The following SLC27A6 variants were observed in gnomAD, a reference collection of about 807,000 sequenced individuals.
SLC27A6 encodes the protein solute carrier family 27 member 6.
SLC27A6 carries 74 observed loss-of-function variants against 63.9 expected under a neutral mutation model. The ratio of observed to expected loss-of-function variants is 1.16; its 90% confidence interval spans 0.96 to 1.40. SLC27A6 has a LOEUF of 1.40. SLC27A6 is among the 40% of genes most tolerant of loss of function. The pLI is 0.00. For synonymous variants in SLC27A6, 287 were observed against 260.8 expected, an observed-to-expected ratio of 1.10 and a Z score of -0.97; for missense variants, 794 against 732.9, an observed-to-expected ratio of 1.08 and a Z score of -0.96.
At chr5:128,969,661 G>C (rs939899182) in intron 1 of SLC27A6, among the ~76,000 whole-genome samples, 1 of 152,160 alleles carries the variant, frequency 6.6e-6, no homozygotes, top group African/African-American at 2.4e-5. Context: ...AGGAGATTTT[G>C]GGCTGAGATG....
rs1375809975 is a variant in SLC27A6, at chr5:128,969,439, G to A, written c.481+2821G>A. 2.6e-5 allele frequency among the ~76,000 whole-genome samples: 4 copies of A among 152,014 alleles called. No individual in the cohort carries two copies. The East Asian group carries it at 5.8e-4, about 22-fold the overall frequency. On this transcript the variant is annotated intron_variant, in intron 1 of 9. Coordinates refer to ENST00000262462, the MANE Select transcript of SLC27A6 (RefSeq NM_001017372.3). ...TTTGTTTGTGTCCTCTTTTTATTTC[G>A]TTGAGCAGTGGTTTGTAGTTCTCCT...
chr5:129,031,442 G>A (rs931127540), intron 9 of SLC27A6, among the ~76,000 whole-genome samples: 5 of 151,848 alleles, frequency 3.3e-5, no homozygotes, highest in African/African-American at 4.8e-5. Context: ...GGGATAAAAC[G>A]AACTTGGTCC....
At chr5:129,008,575 A>G (rs1468679843) in intron 4 of SLC27A6, among the ~76,000 whole-genome samples, 1 of 152,232 alleles carries the variant, frequency 6.6e-6, no homozygotes, top group Admixed American at 6.5e-5. Flanking sequence ...TAAGATTTGC[A>G]ATGCTGCTGT....
chr5:128,987,241 T>C (rs1409038414), intron 2 of SLC27A6, among the ~76,000 whole-genome samples: 3 of 152,166 alleles, frequency 2.0e-5, no homozygotes, highest in Non-Finnish European at 4.4e-5. Context: ...GATTCTTGTC[T>C]GAGGAATCTG....
At position 129,023,717 on chromosome 5, in the gene SLC27A6, C is replaced by G. The variant is rs763033058; in HGVS notation, c.1255+7C>G. ...TGTATTCATGTGAAAAAAGGTAAGA[C>G]TTCTATTTGAAGACATCTCCTCAAG... is the stretch of plus-strand genomic sequence containing the variant. On this transcript the variant is annotated splice_region_variant and intron_variant, in intron 6 of 9. Coordinates refer to ENST00000262462, the MANE Select transcript of SLC27A6 (RefSeq NM_001017372.3). 1 of 1,589,230 alleles carries G rather than the reference C, an allele frequency of 6.3e-7. No homozygotes were observed. The highest frequency in any genetic ancestry group is 1.1e-5 in the South Asian group (1 of 89,390).
At chr5:129,022,623 G>C (rs1752111694) in intron 5 of SLC27A6, among the ~76,000 whole-genome samples, 1 of 151,848 alleles carries the variant, frequency 6.6e-6, no homozygotes, top group African/African-American at 2.4e-5. Context: ...TTCTAACTGA[G>C]CTTGTTTGAT....
rs750323504 is a variant in SLC27A6 at position 128,966,310 on chromosome 5, A to G, written c.173A>G (p.Asp58Gly). ...AGAGGGGAGCTGGTGACTGTGCTGG[A>G]TAAATTCTTGAGTCATGCCAAAAGA... ...EKRGELVTVL[D>G]KFLSHAKRQP... The change falls in exon 1 of 10, where the codon GAT (aspartate) becomes GGT (glycine). Residue 58 changes from aspartate to glycine, a missense_variant. Transcript: ENST00000262462. 2.5e-6 allele frequency: 4 copies of G among 1,614,110 alleles called. No individual in the cohort carries two copies. In the South Asian group the frequency reaches 4.4e-5, roughly 18 times the overall value.
chr5:128,998,575 C>A (rs1033746834), intron 4 of SLC27A6, among the ~76,000 whole-genome samples: 4 of 151,542 alleles, frequency 2.6e-5, no homozygotes, highest in Admixed American at 6.6e-5. Flanking sequence ...AAATAAAAAA[C>A]CAGAAACCCT....
At chr5:128,995,673 T>G (rs1751134018) in intron 4 of SLC27A6, among the ~76,000 whole-genome samples, 1 of 151,840 alleles carries the variant, frequency 6.6e-6, no homozygotes, top group Admixed American at 6.6e-5. Flanking sequence ...CAGAAGAAAC[T>G]CAAAAGGAAG....
chr5:128,967,451 A>G (rs887212621), intron 1 of SLC27A6, among the ~76,000 whole-genome samples: 2 of 152,212 alleles, frequency 1.3e-5, no homozygotes, highest in Admixed American at 1.3e-4. Context: ...GTGCGGAAAG[A>G]GGAAGATCCA....
At position 128,965,862 on chromosome 5, in the gene SLC27A6, G is replaced by T; in HGVS notation, c.-276G>T. 3.0e-6 allele frequency: 1 copy of T among 336,120 alleles called. No homozygotes were observed. 20.8% of individuals were successfully genotyped at this position (336,120 alleles called of 1,614,324 possible). ...CAAGACCCCTGAGGGTGGCTGTGTT[G>T]GTTTCTCGCAGGAGTCGGAGGCTCC... On this transcript the variant is annotated 5_prime_UTR_variant, in exon 1 of 10. Coordinates refer to ENST00000262462, the MANE Select transcript of SLC27A6 (RefSeq NM_001017372.3).
rs1751873315 is a variant in SLC27A6, at chr5:129,015,883, A to G, written c.970-2A>G. 2.5e-6 allele frequency: 4 copies of G among 1,569,128 alleles called. No homozygotes were observed. The East Asian group carries it at 9.2e-5, about 36-fold the overall frequency. On this transcript the variant is annotated splice_acceptor_variant, in intron 4 of 9. Coordinates refer to ENST00000262462, the MANE Select transcript of SLC27A6 (RefSeq NM_001017372.3). LOFTEE classifies it high-confidence loss of function. ...TACAAGTAAAACATTTTCTTCTAACAGAGAGAAGGAGAAAAGGATCATAAG... is the reference window on the plus strand; with the variant it reads ...TACAAGTAAAACATTTTCTTCTAACGGAGAGAAGGAGAAAAGGATCATAAG...
In SLC27A6 at chr5:128,984,997, A is replaced by G. The variant is rs535444187; in HGVS notation, c.482-136A>G. Reference sequence around the variant, plus strand: ...AACGGAACCATAAAATGACTGTGATATTACTTATCCAACATAAGAAGGAAA... The same window carrying G: ...AACGGAACCATAAAATGACTGTGATGTTACTTATCCAACATAAGAAGGAAA... On this transcript the variant is annotated intron_variant, in intron 1 of 9. Transcript: ENST00000262462. The G allele has an allele frequency of 1.3e-4, 87 of 650,794 alleles. No homozygotes were observed. In the African/African-American group the frequency reaches 1.5e-3, roughly 11 times the overall value. The allele number at this position is 650,794 out of a possible 1,614,324, so 40.3% of individuals were successfully genotyped here.
chr5:128,975,421 A>G (rs1750342037), intron 1 of SLC27A6, among the ~76,000 whole-genome samples: 1 of 152,222 alleles, frequency 6.6e-6, no homozygotes, highest in Non-Finnish European at 1.5e-5. Context: ...CATAGAGTGT[A>G]CCTACACGAA....
At chr5:129,024,110 T>TAGG (rs1220383445) in intron 6 of SLC27A6, among the ~76,000 whole-genome samples, 1 of 152,130 alleles carries the variant, frequency 6.6e-6, no homozygotes, top group East Asian at 1.9e-4. Context: ...AGAGGATGAC[T>TAGG]AGGTCCACTG....
chr5:129,027,912 A>C (rs1752295929), intron 7 of SLC27A6, among the ~76,000 whole-genome samples: 1 of 152,054 alleles, frequency 6.6e-6, no homozygotes, highest in Non-Finnish European at 1.5e-5. Flanking sequence ...ACACCTAGAA[A>C]TTTAAGTGGG....
intron 1 of SLC27A6, among the ~76,000 whole-genome samples, chr5:128,968,423 A>G (rs144908515): frequency 0.24 from 36,296 of 151,376 alleles, 4,887 homozygotes; most frequent in Middle Eastern, 0.33. Context: ...TCCCGCACCT[A>G]TTGTTTCCTG....
intron 3 of SLC27A6, among the ~76,000 whole-genome samples, chr5:128,989,742 G>C (rs893619215): frequency 2.0e-5 from 3 of 151,916 alleles, no homozygotes; most frequent in African/African-American, 4.8e-5. Flanking sequence ...GGCTAACACG[G>C]TGAAACCCTG....
At chr5:129,008,020 A>G (rs1751601917) in intron 4 of SLC27A6, among the ~76,000 whole-genome samples, 1 of 152,042 alleles carries the variant, frequency 6.6e-6, no homozygotes, top group African/African-American at 2.4e-5. Context: ...TAATGTATAT[A>G]TAGATATGTT....
Sources: gnomAD v4.1 joint callset for allele counts (sites outside exome capture counted in the v4.1 genomes callset) on GRCh38, gnomAD v4.1.1 for gene constraint, MANE v1.5 for transcripts, NCBI Gene and HGNC (gene_info 2026-07-23, HGNC 2026-07-21) for gene names.